CADPS: variants seen among roughly 807,000 people sequenced by gnomAD.
CADPS encodes the protein calcium-dependent secretion activator 1.
A neutral mutation model predicts 167.3 loss-of-function variants in CADPS; 57 were observed. The observed-to-expected ratio is 0.34, with a 90% CI of 0.28 to 0.42. CADPS has a LOEUF of 0.42. Among genes scored for constraint, CADPS ranks in the 20% least tolerant of loss-of-function variants. CADPS has a pLI of 1.00. For missense variants in CADPS, 1,414 were observed against 1,738.1 expected (o/e 0.81, Z 3.32); for synonymous variants, 676 against 635.3 (o/e 1.06, Z -0.96).
At chr3:62,542,426 T>A (rs2075833293) in intron 11 of CADPS, among the ~76,000 whole-genome samples, 1 of 151,998 alleles carries the variant, frequency 6.6e-6, no homozygotes, top group Non-Finnish European at 1.5e-5. Flanking sequence ...TCAGAAGACA[T>A]GAAATAAAGA....
intron 1 of CADPS, among the ~76,000 whole-genome samples, chr3:62,775,711 T>C (rs562103724): frequency 2.0e-5 from 3 of 152,356 alleles, no homozygotes; most frequent in African/African-American, 7.2e-5. Context: ...CCTTGTTAAG[T>C]TGGCAACTCA....
chr3:62,773,764 G>A (rs1197572474), intron 1 of CADPS, among the ~76,000 whole-genome samples: 5 of 151,992 alleles, frequency 3.3e-5, no homozygotes, highest in African/African-American at 2.4e-5. Flanking sequence ...TTTACAAAGT[G>A]TTTCTTTAGA....
chr3:62,539,668 C>T (rs1010935043), intron 11 of CADPS, among the ~76,000 whole-genome samples: 5 of 152,136 alleles, frequency 3.3e-5, no homozygotes, highest in African/African-American at 7.2e-5. Flanking sequence ...GTACCTGGCA[C>T]GTAGTAGGCA....
chr3:62,657,804 C>A (rs1462632917), intron 4 of CADPS, among the ~76,000 whole-genome samples: 1 of 152,078 alleles, frequency 6.6e-6, no homozygotes, highest in African/African-American at 2.4e-5. Flanking sequence ...TTTTGCCTCC[C>A]TTCCCTCCTA....
intron 3 of CADPS, among the ~76,000 whole-genome samples, chr3:62,672,532 C>G (rs745759374): frequency 1.3e-5 from 2 of 152,178 alleles, no homozygotes; most frequent in Non-Finnish European, 2.9e-5. Flanking sequence ...GTCTTGTTCT[C>G]TACGCTCAGA....
At position 62,602,892 on chromosome 3, in the gene CADPS, T is replaced by G. The variant is rs1285736953; in HGVS notation, c.1326-10144A>C. ...CACCCAGACATCATTCTTATTTGCC[T>G]CTCTTTGCCACATGTCCGTCTTGTC... On this transcript the variant is annotated intron_variant, in intron 6 of 29. Transcript: ENST00000383710. The surrounding 1 kb of genome is among the most constrained non-coding windows in gnomAD (Gnocchi z 4.4). 6.6e-6 allele frequency among the ~76,000 whole-genome samples: 1 copy of G among 152,176 alleles called. No individual in the cohort carries two copies. Among genetic ancestry groups the G allele is most frequent in the Admixed American group, 6.5e-5 (1 of 15,276 alleles).
At chr3:62,786,476 T>TA (rs925329149) in intron 1 of CADPS, among the ~76,000 whole-genome samples, 29 of 151,948 alleles carry the variant, frequency 1.9e-4, no homozygotes, top group African/African-American at 6.8e-4. Context: ...ACCCTATCTC[T>TA]AAAAAAATAA....
chr3:62,728,742 A>T (rs2152094766), intron 3 of CADPS, among the ~76,000 whole-genome samples: 1 of 152,114 alleles, frequency 6.6e-6, no homozygotes, highest in Non-Finnish European at 1.5e-5. Flanking sequence ...AAGGAAGAAG[A>T]AAGTGAAACA....
chr3:62,487,640 G>A (rs962833415), intron 21 of CADPS, among the ~76,000 whole-genome samples: 8 of 152,212 alleles, frequency 5.3e-5, no homozygotes, highest in African/African-American at 9.6e-5. Flanking sequence ...TTCTCTTTTC[G>A]AAGAGATGGA....
rs2149085063 is a variant in CADPS at position 62,601,592 on chromosome 3, C to A, written c.1326-8844G>T. On this transcript the variant is annotated intron_variant, in intron 6 of 29. Transcript: ENST00000383710. This position sits in a 1 kb window ranked among gnomAD's most constrained non-coding sequence, Gnocchi z 4.3. ...CTCTAAATTCTTCATGGAGCTCTTT[C>A]TAGCACTCTTAGTTTATTAGAAAAT... Among the ~76,000 whole-genome samples the A allele has an allele frequency of 6.6e-6, 1 of 152,324 alleles. No homozygotes were observed. The highest frequency in any genetic ancestry group is 1.9e-4 in the East Asian group (1 of 5,184).
At chr3:62,731,956 A>C (rs183472850) in intron 3 of CADPS, among the ~76,000 whole-genome samples, 1 of 150,934 alleles carries the variant, frequency 6.6e-6, no homozygotes, top group East Asian at 1.9e-4. Context: ...ATGTAAGCTG[A>C]AACATAACAG....
At chr3:62,428,419 G>A (rs113071146) in intron 28 of CADPS, among the ~76,000 whole-genome samples, 6 of 147,430 alleles carry the variant, frequency 4.1e-5, no homozygotes, top group South Asian at 2.2e-4. Flanking sequence ...CTGATCTAAC[G>A]TGCTGTTCCA....
chr3:62,752,069 G>C, intron 3 of CADPS, among the ~76,000 whole-genome samples: 1 of 152,134 alleles, frequency 6.6e-6, no homozygotes, highest in East Asian at 1.9e-4. Context: ...GACTCTCTCT[G>C]TAATTCTGAA....
At chr3:62,477,247 A>G (rs1227389184) in intron 23 of CADPS, among the ~76,000 whole-genome samples, 1 of 151,964 alleles carries the variant, frequency 6.6e-6, no homozygotes. Context: ...ATCACCCACA[A>G]TTGATCCATC....
At chr3:62,822,475 T>G in intron 1 of CADPS, among the ~76,000 whole-genome samples, 1 of 152,160 alleles carries the variant, frequency 6.6e-6, no homozygotes, top group East Asian at 1.9e-4. Flanking sequence ...GATGAATAGA[T>G]GGGAAAACGG....
chr3:62,870,140 AG>A (rs1421734428), intron 1 of CADPS, among the ~76,000 whole-genome samples: 1 of 152,150 alleles, frequency 6.6e-6, no homozygotes, highest in African/African-American at 2.4e-5. Context: ...GAAAATGGGG[AG>A]GGGAGAATGC....
At chr3:62,539,594 T>TG (rs1397162032) in intron 11 of CADPS, among the ~76,000 whole-genome samples, 7 of 152,010 alleles carry the variant, frequency 4.6e-5, no homozygotes, top group Non-Finnish European at 1.0e-4. Context: ...AATCTGATGT[T>TG]TAAGCTCATC....
chr3:62,664,086 CA>C (rs1202577529), intron 3 of CADPS, among the ~76,000 whole-genome samples: 1 of 152,090 alleles, frequency 6.6e-6, no homozygotes, highest in African/African-American at 2.4e-5. Context: ...CGGCTCACTG[CA>C]ACCTCCGCCC....
intron 4 of CADPS, among the ~76,000 whole-genome samples, chr3:62,661,732 T>C (rs1258459259): frequency 6.6e-6 from 1 of 152,038 alleles, no homozygotes; most frequent in African/African-American, 2.4e-5. Context: ...ATTGGGAGGC[T>C]ATTGTAACAT....
Sources: gnomAD v4.1 joint callset for allele counts (sites outside exome capture counted in the v4.1 genomes callset) on GRCh38, gnomAD v4.1.1 for gene constraint, Gnocchi (gnomAD v3.1) non-coding constraint, MANE v1.5 for transcripts, NCBI Gene and HGNC (gene_info 2026-07-23, HGNC 2026-07-21) for gene names.